Variants in GPR161 observed in about 807,000 individuals in gnomAD.
The protein encoded by GPR161 is G protein-coupled receptor 161, also known as G-protein coupled receptor RE2.
GPR161 carries 25 observed loss-of-function variants against 39.2 expected under a neutral mutation model. The observed-to-expected ratio is 0.64, with a 90% CI of 0.47 to 0.89. GPR161 has a LOEUF of 0.89. GPR161 is among the 40% of genes least tolerant of loss of function. The pLI, the probability that GPR161 is intolerant of heterozygous loss-of-function variation, is 0.00. For synonymous variants in GPR161, 286 were observed against 276.6 expected (o/e 1.03, Z -0.34); for missense variants, 547 against 677.8 (o/e 0.81, Z 2.14).
chr1:168,136,514 A>G (rs1421453955), intron 1 of GPR161: 2 of 1,238,902 alleles, frequency 1.6e-6, no homozygotes, highest in East Asian at 3.4e-5. Flanking sequence ...CGCCCCCAAC[A>G]TCTTCCCACA....
At chr1:168,123,076 T>A (rs1698309188) in intron 1 of GPR161, among the ~76,000 whole-genome samples, 1 of 152,200 alleles carries the variant, frequency 6.6e-6, no homozygotes, top group South Asian at 2.1e-4. Context: ...CTATTCATTA[T>A]CCAGCCAACA....
Position 168,090,623 on chromosome 1 carries a change from T to C in GPR161, c.1145A>G (p.Gln382Arg), listed in dbSNP as rs753475641. 1 of 1,611,620 alleles carries C rather than the reference T, an allele frequency of 6.2e-7. No homozygotes were observed. The highest frequency in any genetic ancestry group is 2.2e-5 in the East Asian group (1 of 44,844). Residue 382 changes from glutamine to arginine, a missense_variant, in exon 4 of 6, where the codon CAG becomes CGG. Transcript: ENST00000682931. Reference sequence around the variant, plus strand: ...CGTGCTGCTGCTGTGCCCCAGGGGCTGTCCACCTGCCATGAGCGCAGTGAG... The same window carrying C: ...CGTGCTGCTGCTGTGCCCCAGGGGCCGTCCACCTGCCATGAGCGCAGTGAG... ...PHLTALMAGG[Q>R]PLGHSSSTGD...
chr1:168,101,695 T>C (rs1696118816), intron 2 of GPR161, among the ~76,000 whole-genome samples: 2 of 152,254 alleles, frequency 1.3e-5, no homozygotes, highest in Non-Finnish European at 2.9e-5. Flanking sequence ...GAGCTAACTG[T>C]TGATAAACGG....
intron 3 of GPR161, among the ~76,000 whole-genome samples, chr1:168,094,291 A>G (rs969857202): frequency 6.6e-6 from 1 of 151,342 alleles, no homozygotes; most frequent in Non-Finnish European, 1.5e-5. Flanking sequence ...TTTTGCCTAG[A>G]AGACAAGTGA....
chr1:168,099,001 T>TAGGAG (rs1695827163), intron 2 of GPR161, among the ~76,000 whole-genome samples: 1 of 152,210 alleles, frequency 6.6e-6, no homozygotes, highest in African/African-American at 2.4e-5. Context: ...GGCACCCACA[T>TAGGAG]CACAGGTCTG....
intron 1 of GPR161, among the ~76,000 whole-genome samples, chr1:168,116,606 G>T (rs899406189): frequency 2.6e-5 from 4 of 152,174 alleles, no homozygotes; most frequent in African/African-American, 9.7e-5. Context: ...GAGATCACGG[G>T]CTCCCTGGGT....
At chr1:168,117,381 C>A (rs746349604) in intron 1 of GPR161, among the ~76,000 whole-genome samples, 7 of 152,148 alleles carry the variant, frequency 4.6e-5, no homozygotes, top group Admixed American at 6.6e-5. Context: ...GACTTCTCCC[C>A]CTTTTTAAAG....
chr1:168,126,194 T>C (rs897487944), intron 1 of GPR161, among the ~76,000 whole-genome samples: 4 of 152,180 alleles, frequency 2.6e-5, no homozygotes, highest in African/African-American at 9.6e-5. Flanking sequence ...AGTGACACTA[T>C]AGGGCAGGAG....
intron 2 of GPR161, among the ~76,000 whole-genome samples, chr1:168,099,421 C>T (rs1183720430): frequency 3.3e-5 from 5 of 152,146 alleles, no homozygotes; most frequent in East Asian, 1.9e-4. Flanking sequence ...CGGTAGTGTA[C>T]GGCCGGTTGT....
intron 1 of GPR161, among the ~76,000 whole-genome samples, chr1:168,134,419 T>C (rs746738464): frequency 2.0e-5 from 3 of 152,202 alleles, no homozygotes; most frequent in Admixed American, 6.5e-5. Flanking sequence ...GGTGAATGAA[T>C]GAAGTATGGA....
intron 1 of GPR161, among the ~76,000 whole-genome samples, chr1:168,107,997 G>A (rs1464398433): frequency 6.6e-6 from 1 of 152,182 alleles, no homozygotes; most frequent in Non-Finnish European, 1.5e-5. Flanking sequence ...AACTGAGGCT[G>A]GGTAACTTAT....
At chr1:168,100,859 G>C (rs966574212) in intron 2 of GPR161, among the ~76,000 whole-genome samples, 1 of 152,164 alleles carries the variant, frequency 6.6e-6, no homozygotes, top group Non-Finnish European at 1.5e-5. Flanking sequence ...CACAGACCTG[G>C]AACTCCAGCA....
At position 168,119,269 on chromosome 1, in the gene GPR161, T is replaced by C. The variant is rs1359892486; in HGVS notation, c.-44-14375A>G. On this transcript the variant is annotated intron_variant, in intron 1 of 5. Coordinates refer to ENST00000682931, the MANE Select transcript of GPR161 (RefSeq NM_001375883.1). ...ACATATATATATACGTATATATATG[T>C]GTATATATATATATATATACACATA... is the stretch of plus-strand genomic sequence containing the variant. Among the ~76,000 whole-genome samples the C allele has an allele frequency of 2.4e-5, 3 of 126,456 alleles. No homozygotes were observed. In the South Asian group the frequency reaches 7.5e-4, roughly 32 times the overall value. The allele number at this position is 126,456 out of a possible 152,430, so 83.0% of individuals were successfully genotyped here.
chr1:168,137,469 G>A, upstream of GPR161: 1 of 1,395,288 alleles, frequency 7.2e-7, no homozygotes, highest in Non-Finnish European at 9.8e-7. Context: ...TAATACCACA[G>A]TGAATTCGTC....
chr1:168,136,405 C>A, intron 1 of GPR161: 1 of 1,399,150 alleles, frequency 7.1e-7, no homozygotes, highest in Non-Finnish European at 9.3e-7. Flanking sequence ...ATCCAGCGGA[C>A]TGTTTAGGGG....
At chr1:168,121,126 A>T (rs1271142316) in intron 1 of GPR161, among the ~76,000 whole-genome samples, 1 of 152,162 alleles carries the variant, frequency 6.6e-6, no homozygotes, top group African/African-American at 2.4e-5. Context: ...TCCTTAGAAA[A>T]CATCTAGTCT....
At position 168,096,843 on chromosome 1, in the gene GPR161, G is replaced by T. The variant is rs749097417; in HGVS notation, c.764C>A (p.Ala255Asp). ...GGCCGAGTAGACCACACCCTGAAAG[G>T]CATTCCTCCTGCTGCCTGAAGAGGA... Reference protein sequence around the residue: ...STSSSGSRRNAFQGVVYSANQ... With the variant: ...STSSSGSRRNDFQGVVYSANQ... The change falls in exon 3 of 6, where the codon GCC becomes GAC. Residue 255 changes from alanine (A) to aspartate (D), a missense_variant. Transcript: ENST00000682931. 6.2e-7 allele frequency: 1 copy of T among 1,613,986 alleles called. No homozygotes were observed.
intron 3 of GPR161, among the ~76,000 whole-genome samples, chr1:168,094,120 C>T (rs1211589257): frequency 6.6e-6 from 1 of 152,236 alleles, no homozygotes; most frequent in Non-Finnish European, 1.5e-5. Flanking sequence ...CACAGCTTCA[C>T]CAGCTCTTCT....
rs1253748824 is a variant in GPR161, at chr1:168,087,603, C to T, written c.1306G>A (p.Glu436Lys). The T allele has an allele frequency of 1.9e-6, 3 of 1,614,186 alleles. No homozygotes were observed. The highest frequency in any genetic ancestry group is 1.7e-5 in the Admixed American group (1 of 60,014). The change falls in exon 5 of 6, where the codon GAA becomes AAA. Residue 436 changes from glutamate to lysine, a missense_variant. Physicochemically the swap from Glu to Lys is moderately conservative, Grantham distance 56. Coordinates refer to ENST00000682931, the MANE Select transcript of GPR161 (RefSeq NM_001375883.1). Reference protein sequence around the residue: ...KRRSSVTFEDEVEQIKEAAKN... With the variant: ...KRRSSVTFEDKVEQIKEAAKN... The stretch of plus-strand genomic sequence containing the variant: ...AGCCAACCTTTGATTTGTTCCACTT[C>T]ATCCTCAAATGTCACCGAGCTCCTT...
Sources: allele counts gnomAD v4.1 joint callset (sites outside exome capture counted in the v4.1 genomes callset), GRCh38; gene constraint gnomAD v4.1.1; transcripts MANE v1.5; gene names NCBI Gene and HGNC (gene_info 2026-07-23, HGNC 2026-07-21).